The following ARHGAP32 variants were observed in gnomAD, a reference collection of about 807,000 sequenced individuals.
ARHGAP32 encodes rho GTPase-activating protein 32.
ARHGAP32 carries 51 observed loss-of-function variants against 186.5 expected under a neutral mutation model. The ratio of observed to expected loss-of-function variants is 0.27; its 90% confidence interval spans 0.22 to 0.35. The LOEUF (loss-of-function observed/expected upper bound fraction) is 0.35. ARHGAP32 is among the 10% of genes least tolerant of loss of function. The pLI, the probability that ARHGAP32 is intolerant of heterozygous loss-of-function variation, is 1.00. For missense variants in ARHGAP32, 2,186 were observed against 2,623.5 expected (o/e 0.83, Z 3.64); for synonymous variants, 950 against 964.3 (o/e 0.99, Z 0.27).
chr11:129,100,321 C>T (rs1591614237), intron 5 of ARHGAP32, among the ~76,000 whole-genome samples: 2 of 152,318 alleles, frequency 1.3e-5, no homozygotes, highest in Admixed American at 1.3e-4. Context: ...GTGCTGGCCT[C>T]TCCCAAGGAC....
At chr11:129,056,034 G>T (rs1940240050) in intron 10 of ARHGAP32, among the ~76,000 whole-genome samples, 1 of 152,250 alleles carries the variant, frequency 6.6e-6, no homozygotes. Context: ...GTGTGATTCT[G>T]GCCCTGGTGC....
chr11:129,057,076 C>T (rs1481739964), intron 10 of ARHGAP32, among the ~76,000 whole-genome samples: 1 of 152,146 alleles, frequency 6.6e-6, no homozygotes, highest in Non-Finnish European at 1.5e-5. Flanking sequence ...CACATGTAAC[C>T]AGAGCCAGGC....
At chr11:129,157,592 A>G (rs553681556) in intron 2 of ARHGAP32, among the ~76,000 whole-genome samples, 1 of 152,328 alleles carries the variant, frequency 6.6e-6, no homozygotes, top group South Asian at 2.1e-4. Context: ...AAAAGACCAA[A>G]TCTATCTTTG....
chr11:129,254,007 A>G (rs552945646), intron 1 of ARHGAP32, among the ~76,000 whole-genome samples: 28 of 152,146 alleles, frequency 1.8e-4, no homozygotes, highest in Non-Finnish European at 3.2e-4. Context: ...TTCAAGTTTA[A>G]TTCCATTAAA....
intron 10 of ARHGAP32, among the ~76,000 whole-genome samples, chr11:129,054,065 T>TA (rs35753511): frequency 0.021 from 3,140 of 146,992 alleles, 85 homozygotes; most frequent in African/African-American, 0.068. Context: ...ACTCTTGAGG[T>TA]AAAAAAAAAA....
intron 2 of ARHGAP32, among the ~76,000 whole-genome samples, chr11:129,135,766 C>CAA (rs35164099): frequency 5.3e-5 from 8 of 150,404 alleles, no homozygotes; most frequent in East Asian, 2.0e-4. Flanking sequence ...GACTCCATCT[C>CAA]AAAAAAAAAC....
chr11:129,023,533 A>G (rs1031050608), intron 11 of ARHGAP32, among the ~76,000 whole-genome samples: 5 of 152,226 alleles, frequency 3.3e-5, no homozygotes, highest in African/African-American at 1.2e-4. Flanking sequence ...TAATCATAAA[A>G]ACTTTTATTA....
chr11:129,078,659 A>C (rs1453244462), intron 6 of ARHGAP32, among the ~76,000 whole-genome samples: 1 of 151,858 alleles, frequency 6.6e-6, no homozygotes, highest in Non-Finnish European at 1.5e-5. Context: ...CGCGTGGCTA[A>C]CTTTTGTATT....
rs547275904 is a variant in ARHGAP32 at position 129,126,920 on chromosome 11, G to A, written c.226-2026C>T. Among the ~76,000 whole-genome samples the A allele has an allele frequency of 3.7e-3, 562 of 151,980 alleles. 2 individuals carry two copies. Among genetic ancestry groups the A allele is most frequent in the African/African-American group, 0.013 (537 of 41,430 alleles). On this transcript the variant is annotated intron_variant, in intron 2 of 22. Coordinates refer to ENST00000682385, the MANE Select transcript of ARHGAP32 (RefSeq NM_001378024.1). Reference sequence around the variant, plus strand: ...GCACCAAAATTTACTTAACAGGTTCGCCAAGCTTAGATTCTTACTAAAATT... The same window carrying A: ...GCACCAAAATTTACTTAACAGGTTCACCAAGCTTAGATTCTTACTAAAATT...
chr11:129,064,353 A>G (rs937432979), intron 8 of ARHGAP32, among the ~76,000 whole-genome samples: 2 of 152,142 alleles, frequency 1.3e-5, no homozygotes, highest in South Asian at 4.1e-4. Flanking sequence ...ATAGTTCTAT[A>G]TTCTTTCCAC....
chr11:129,031,769 C>A (rs948602353), intron 11 of ARHGAP32, among the ~76,000 whole-genome samples: 1 of 152,164 alleles, frequency 6.6e-6, no homozygotes, highest in African/African-American at 2.4e-5. Flanking sequence ...ACAATTGTTG[C>A]CTTTTCCAAA....
intron 2 of ARHGAP32, among the ~76,000 whole-genome samples, chr11:129,144,397 C>T (rs187289986): frequency 6.6e-4 from 98 of 148,920 alleles, no homozygotes; most frequent in Non-Finnish European, 1.5e-4. Flanking sequence ...CAGCGTTATG[C>T]ACCTCCATCA....
chr11:129,109,798 G>C (rs1347759103), intron 5 of ARHGAP32, among the ~76,000 whole-genome samples: 1 of 151,650 alleles, frequency 6.6e-6, no homozygotes, highest in Non-Finnish European at 1.5e-5. Context: ...GTTTTTGTTT[G>C]TTTTGTTTTT....
At chr11:129,089,727 C>A (rs1461934095) in intron 6 of ARHGAP32, among the ~76,000 whole-genome samples, 1 of 152,160 alleles carries the variant, frequency 6.6e-6, no homozygotes, top group African/African-American at 2.4e-5. Context: ...ACATTTTATA[C>A]CATTCTGGCA....
At chr11:129,008,932 G>A (rs1476217309) in intron 11 of ARHGAP32, among the ~76,000 whole-genome samples, 2 of 152,138 alleles carry the variant, frequency 1.3e-5, no homozygotes, top group Admixed American at 1.3e-4. Context: ...CTAGTTGCTA[G>A]CAGATTGTGT....
In ARHGAP32 at chr11:128,998,476, T is replaced by C; in HGVS notation, c.1046-8A>G. The C allele has an allele frequency of 6.5e-7, 1 of 1,527,316 alleles. No individual in the cohort carries two copies. Among genetic ancestry groups the C allele is most frequent in the Non-Finnish European group, 8.8e-7 (1 of 1,130,328 alleles). The allele number at this position is 1,527,316 out of a possible 1,614,324, so 94.6% of individuals were successfully genotyped here. ...TGCCGTGCTTTTTAGACACTAAAAA[T>C]CAATAAAGAGAAAAGATCTTAGTTG... On this transcript the variant is annotated splice_polypyrimidine_tract_variant and splice_region_variant and intron_variant, in intron 11 of 22. Coordinates refer to ENST00000682385, the MANE Select transcript of ARHGAP32 (RefSeq NM_001378024.1).
chr11:129,095,678 T>A (rs1941710679), intron 5 of ARHGAP32, among the ~76,000 whole-genome samples: 1 of 152,186 alleles, frequency 6.6e-6, no homozygotes, highest in East Asian at 1.9e-4. Flanking sequence ...ACAGAAAAGC[T>A]GGGAGAAACT....
chr11:129,185,693 CAA>C (rs1052649429), intron 1 of ARHGAP32, among the ~76,000 whole-genome samples: 2 of 152,046 alleles, frequency 1.3e-5, no homozygotes, highest in African/African-American at 4.8e-5. Flanking sequence ...AAAAGAGTTT[CAA>C]AAGTCTCATC....
intron 2 of ARHGAP32, among the ~76,000 whole-genome samples, chr11:129,143,494 G>A (rs75310467): frequency 0.036 from 5,468 of 151,990 alleles, 157 homozygotes; most frequent in Non-Finnish European, 0.053. Flanking sequence ...TCATTCCTTT[G>A]TCCAGTGCAT....
Sources: allele counts gnomAD v4.1 joint callset (sites outside exome capture counted in the v4.1 genomes callset), GRCh38; gene constraint gnomAD v4.1.1; transcripts MANE v1.5; gene names NCBI Gene and HGNC (gene_info 2026-07-23, HGNC 2026-07-21).